Variants in ZNF880 observed in about 807,000 individuals in gnomAD.
ZNF880 encodes the protein zinc finger protein 880, also known as zinc finger protein LOC400713.
Under a neutral mutation model 11.8 loss-of-function variants are expected in ZNF880, and 12 were observed. The ratio of observed to expected loss-of-function variants is 1.02; its 90% CI spans 0.65 to 1.65. The LOEUF is 1.65. Ranked by LOEUF, ZNF880 falls within the 40% of genes most tolerant of loss-of-function variation. The probability of loss-of-function intolerance (pLI) is 0.00; values close to 1 mark genes in which losing one functional copy is unlikely to be tolerated. For missense variants in ZNF880, 601 were observed against 673.9 expected (o/e 0.89, Z 1.20); for synonymous variants, 210 against 232.4 (o/e 0.90, Z 0.88).
At chr19:52,371,727 C>T (rs1277759795) in intron 1 of ZNF880, among the ~76,000 whole-genome samples, 1 of 152,178 alleles carries the variant, frequency 6.6e-6, no homozygotes, top group Non-Finnish European at 1.5e-5. Context: ...CTGGCGCTTA[C>T]TCTGCCATTT....
chr19:52,376,496 GCCCCCCC>G (rs772625389), intron 3 of ZNF880, among the ~76,000 whole-genome samples: 2 of 51,194 alleles, frequency 3.9e-5, no homozygotes, highest in African/African-American at 1.7e-4. Context: ...CCTTAGCACC[GCCCCCCC>G]CCCCCCTTTT....
At chr19:52,375,425 C>T (rs981550782) in intron 3 of ZNF880, among the ~76,000 whole-genome samples, 3 of 151,984 alleles carry the variant, frequency 2.0e-5, no homozygotes, top group Non-Finnish European at 2.9e-5. Flanking sequence ...CTCCTGGCCT[C>T]AAGTGATCCA....
At chr19:52,371,966 G>A (rs555481534) in intron 1 of ZNF880, among the ~76,000 whole-genome samples, 26 of 152,102 alleles carry the variant, frequency 1.7e-4, no homozygotes, top group Non-Finnish European at 3.4e-4. Flanking sequence ...GAGGCGGGAG[G>A]ATTGCTGAGG....
At position 52,383,212 on chromosome 19, in the gene ZNF880, C is replaced by CT. The variant is rs200540931; in HGVS notation, c.269-631dup. ...TTATTTAGTTATCTGTCTCTGTTAT[C>CT]TTTTTTAGCTCATTAAGCATCTTAA... On this transcript the variant is annotated intron_variant, in intron 3 of 3. Transcript: ENST00000422689. Among the ~76,000 whole-genome samples, 177 of 152,186 alleles carry CT rather than the reference C, an allele frequency of 1.2e-3. 2 individuals carry two copies. In the East Asian group the frequency reaches 0.032, roughly 28 times the overall value.
chr19:52,378,107 G>A (rs34221182), intron 3 of ZNF880, among the ~76,000 whole-genome samples: 54,571 of 151,956 alleles, frequency 0.36, 10,097 homozygotes, highest in South Asian at 0.51. Context: ...GATCAGCCCA[G>A]TCCAGGGAAC....
the ZNF880 span, among the ~76,000 whole-genome samples, chr19:52,396,027 C>T: frequency 2.6e-5 from 4 of 152,108 alleles, no homozygotes; most frequent in Admixed American, 1.3e-4. Flanking sequence ...GCAATCTTGG[C>T]TTACTGCACC....
chr19:52,383,918 A>C lies in ZNF880; in HGVS notation c.338A>C (p.Gln113Pro), dbSNP rs773086280. The C allele has an allele frequency of 3.8e-6, 6 of 1,562,356 alleles. No homozygotes were observed. The South Asian group carries it at 7.1e-5, about 18-fold the overall frequency. Residue 113 changes from glutamine (Q) to proline (P), a missense_variant, in exon 4 of 4, where the codon CAG becomes CCG. By Grantham distance (76) the Gln-to-Pro change is moderately conservative. This residue lies in a region of ZNF880 where 420 missense variants were observed against 442.6 expected (regional missense o/e 0.95). Transcript: ENST00000422689. ...SLKNQLGLTF[Q>P]LHLSELQLFQ... ...AAAAATCAACTTGGATTAACCTTTC[A>C]GTTACATCTGAGTGAACTGCAGCTA...
upstream of ZNF880, among the ~76,000 whole-genome samples, chr19:52,368,792 CA>C (rs1382821359): frequency 6.6e-6 from 1 of 151,724 alleles, no homozygotes; most frequent in Non-Finnish European, 1.5e-5. Context: ...CTTTAGGGGA[CA>C]AATAAATGAG....
chr19:52,387,163 C>T (rs972199966), downstream of ZNF880, among the ~76,000 whole-genome samples: 1 of 144,406 alleles, frequency 6.9e-6, no homozygotes, highest in African/African-American at 2.7e-5. Context: ...GTAAAATAGG[C>T]ATTTTTAAAA....
At chr19:52,392,292 T>C in the ZNF880 span, among the ~76,000 whole-genome samples, 1 of 151,300 alleles carries the variant, frequency 6.6e-6, no homozygotes, top group Non-Finnish European at 1.5e-5. Context: ...CTTCCTCCCT[T>C]TCTCTCTCTC....
At chr19:52,369,694 ACAGCCG>A (rs1005724143), upstream of ZNF880, among the ~76,000 whole-genome samples, 16 of 151,978 alleles carry the variant, frequency 1.1e-4, no homozygotes, top group African/African-American at 3.6e-4. Context: ...GAGCGCCCCT[ACAGCCG>A]ATTTAAAATT....
At chr19:52,374,198 C>T (rs1191794220) in intron 2 of ZNF880, 101 bp from the exon 3 acceptor site, 7 of 1,088,598 alleles carry the variant, frequency 6.4e-6, no homozygotes, top group Non-Finnish European at 9.0e-6. Context: ...GCACCCGCCA[C>T]CACGCCCCGC....
At chr19:52,386,279 T>C (rs1421143995), downstream of ZNF880, among the ~76,000 whole-genome samples, 1 of 143,532 alleles carries the variant, frequency 7.0e-6, no homozygotes, top group African/African-American at 2.7e-5. Context: ...ACACTGCGTT[T>C]TCTTATTATT....
the ZNF880 span, among the ~76,000 whole-genome samples, chr19:52,396,110 A>G: frequency 7.0e-6 from 1 of 143,084 alleles, no homozygotes. Context: ...GTGTGCCACC[A>G]TGCCTGGCTA....
intron 1 of ZNF880, chr19:52,370,247 T>TG: frequency 2.0e-6 from 1 of 507,954 alleles, no homozygotes. Flanking sequence ...CAGTGACCCC[T>TG]AGACACGGCC....
At chr19:52,397,093 T>C in the ZNF880 span, 198 of 151,566 alleles carry the variant, frequency 1.3e-3, 1 homozygote, top group African/African-American at 4.7e-3. Flanking sequence ...AGACGCTGTC[T>C]CAAAACAACA....
intron 3 of ZNF880, chr19:52,380,206 T>A (rs1411865196): frequency 6.6e-6 from 1 of 152,210 alleles, no homozygotes; most frequent in Non-Finnish European, 1.5e-5. Context: ...GGCCCATACT[T>A]CTTTGCACCA....
the ZNF880 span, among the ~76,000 whole-genome samples, chr19:52,391,964 C>T: frequency 1.3e-5 from 2 of 152,130 alleles, no homozygotes; most frequent in African/African-American, 4.8e-5. Flanking sequence ...TTACTTCCCA[C>T]CAACAAGCTA....
rs1568665333 is a variant in ZNF880, at chr19:52,384,637, A to G, written c.1057A>G (p.Lys353Glu). ...AATTCACACTGGAGAGAAACTTTAC[A>G]AATGTAATAAATGTGGCAAGGTCTT... ...LVIHTGEKLY[K>E]CNKCGKVFNR... The change falls in exon 4 of 4, where the codon AAA becomes GAA. Residue 353 changes from lysine to glutamate, a missense_variant. Coordinates refer to ENST00000422689, the MANE Select transcript of ZNF880 (RefSeq NM_001145434.2). 6.2e-7 allele frequency: 1 copy of G among 1,612,114 alleles called. No individual in the cohort carries two copies. Among genetic ancestry groups the G allele is most frequent in the Middle Eastern group, 1.6e-4 (1 of 6,062 alleles).
Sources: allele counts gnomAD v4.1 joint callset (sites outside exome capture counted in the v4.1 genomes callset), GRCh38; gene constraint gnomAD v4.1.1; regional missense constraint gnomAD v4.1.1; transcripts MANE v1.5; gene names NCBI Gene and HGNC (gene_info 2026-07-23, HGNC 2026-07-21).